Variants in FAM171A1 observed in about 807,000 individuals in gnomAD.
FAM171A1 encodes the protein protein FAM171A1.
In FAM171A1, 23 loss-of-function variants were observed where a neutral mutation model predicts 74.9. The ratio of observed to expected loss-of-function variants is 0.31; its 90% CI spans 0.22 to 0.44. FAM171A1 has a LOEUF of 0.44. Ranked by LOEUF, FAM171A1 falls within the 20% of genes least tolerant of loss-of-function variation. The pLI, the probability that FAM171A1 is intolerant of heterozygous loss-of-function variation, is 1.00. For missense variants in FAM171A1, 1,162 were observed against 1,159.2 expected (o/e 1.00, Z -0.03); for synonymous variants, 527 against 505.7 (o/e 1.04, Z -0.57).
chr10:15,302,505 C>CAA (rs201888011), intron 1 of FAM171A1, among the ~76,000 whole-genome samples: 12 of 116,404 alleles, frequency 1.0e-4, no homozygotes, highest in South Asian at 3.0e-4. Context: ...AACCCAAAAC[C>CAA]AAAAAAAAAA....
chr10:15,319,147 A>G lies in FAM171A1; in HGVS notation c.98-35042T>C, dbSNP rs553842959. On this transcript the variant is annotated intron_variant, in intron 1 of 7. Transcript: ENST00000378116. ...ACAGGGTGGAAAGGAGACATGGCACATATGTCCATTTCTACAGCATGCCTG... is the reference window on the plus strand; with the variant it reads ...ACAGGGTGGAAAGGAGACATGGCACGTATGTCCATTTCTACAGCATGCCTG... 6.1e-4 allele frequency among the ~76,000 whole-genome samples: 93 copies of G among 152,328 alleles called. 1 individual carries two copies. Among genetic ancestry groups the G allele is most frequent in the Middle Eastern group, 3.4e-3 (1 of 294 alleles).
chr10:15,325,058 CTAA>C (rs1375999629), intron 1 of FAM171A1, among the ~76,000 whole-genome samples: 1 of 152,234 alleles, frequency 6.6e-6, no homozygotes, highest in Non-Finnish European at 1.5e-5. Context: ...AATAAACTGG[CTAA>C]TAATGAGATG....
At chr10:15,304,553 G>T (rs1450227778) in intron 1 of FAM171A1, among the ~76,000 whole-genome samples, 1 of 152,074 alleles carries the variant, frequency 6.6e-6, no homozygotes, top group Non-Finnish European at 1.5e-5. Context: ...CGCATACCCT[G>T]CCTTGTCCAT....
chr10:15,292,694 C>T (rs1014149696), intron 1 of FAM171A1, among the ~76,000 whole-genome samples: 1 of 152,020 alleles, frequency 6.6e-6, no homozygotes, highest in Non-Finnish European at 1.5e-5. Context: ...CCACATTGCC[C>T]GGGCTGGTCT....
At chr10:15,287,740 C>T (rs1383957699) in intron 1 of FAM171A1, among the ~76,000 whole-genome samples, 1 of 152,150 alleles carries the variant, frequency 6.6e-6, no homozygotes, top group Non-Finnish European at 1.5e-5. Flanking sequence ...AAGTAGTATA[C>T]TATTCCTCTT....
chr10:15,292,671 G>C (rs1274739585), intron 1 of FAM171A1, among the ~76,000 whole-genome samples: 1 of 152,022 alleles, frequency 6.6e-6, no homozygotes, highest in East Asian at 1.9e-4. Context: ...TTTTAGCAGA[G>C]ATGCGGGTTT....
chr10:15,264,688 TG>T (rs1270574703), intron 3 of FAM171A1, among the ~76,000 whole-genome samples: 1 of 150,838 alleles, frequency 6.6e-6, no homozygotes, highest in Non-Finnish European at 1.5e-5. Flanking sequence ...GAGGCTAAGG[TG>T]GGAGGATCAC....
chr10:15,273,666 C>T (rs1834856399), intron 3 of FAM171A1, among the ~76,000 whole-genome samples: 1 of 152,186 alleles, frequency 6.6e-6, no homozygotes, highest in Non-Finnish European at 1.5e-5. Context: ...TCCAGCAGCA[C>T]ATCAAATAGC....
chr10:15,282,682 T>C (rs895710790), intron 2 of FAM171A1, among the ~76,000 whole-genome samples: 10 of 152,194 alleles, frequency 6.6e-5, no homozygotes, highest in Non-Finnish European at 1.3e-4. Context: ...GCATGGACCA[T>C]GGGAGTGTCA....
At chr10:15,230,229 T>A (rs572211259) in intron 5 of FAM171A1, among the ~76,000 whole-genome samples, 20 of 152,366 alleles carry the variant, frequency 1.3e-4, no homozygotes, top group African/African-American at 4.8e-4. Context: ...TGTGGGATAG[T>A]CCTCTTTTTT....
Position 15,366,921 on chromosome 10 carries a change from G to A in FAM171A1, c.97+4035C>T, listed in dbSNP as rs567962426. Reference sequence around the variant, plus strand: ...ATTGATTAAAACTGAGAAAGTGGCTGGGTGCAGTGGCTCATGCCTGTAATC... The same window carrying A: ...ATTGATTAAAACTGAGAAAGTGGCTAGGTGCAGTGGCTCATGCCTGTAATC... On this transcript the variant is annotated intron_variant, in intron 1 of 7. Transcript: ENST00000378116. Among the ~76,000 whole-genome samples, 5 of 152,292 alleles carry A rather than the reference G, an allele frequency of 3.3e-5. No homozygotes were observed. In the South Asian group the frequency reaches 6.2e-4, roughly 19 times the overall value.
upstream of FAM171A1, among the ~76,000 whole-genome samples, chr10:15,372,791 GGACCCCCTC>G (rs1836166087): frequency 6.6e-6 from 1 of 151,432 alleles, no homozygotes. Context: ...TTGAGCCTAG[GGACCCCCTC>G]CATTCCAACC....
chr10:15,311,259 T>C (rs1835356472), intron 1 of FAM171A1, among the ~76,000 whole-genome samples: 1 of 152,232 alleles, frequency 6.6e-6, no homozygotes, highest in Admixed American at 6.5e-5. Context: ...TACAAGCACA[T>C]GCTTTCTGCA....
intron 5 of FAM171A1, among the ~76,000 whole-genome samples, chr10:15,243,257 T>C (rs1009642990): frequency 6.6e-6 from 1 of 152,132 alleles, no homozygotes; most frequent in Non-Finnish European, 1.5e-5. Flanking sequence ...TGATTCTGGC[T>C]CCTCTTGCAT....
intron 4 of FAM171A1, among the ~76,000 whole-genome samples, chr10:15,251,692 G>T (rs1483311438): frequency 1.3e-5 from 2 of 152,064 alleles, no homozygotes; most frequent in Admixed American, 6.6e-5. Flanking sequence ...GATTACAGGT[G>T]TGAGCCATCG....
chr10:15,302,550 A>G (rs1191256128), intron 1 of FAM171A1, among the ~76,000 whole-genome samples: 1 of 151,632 alleles, frequency 6.6e-6, no homozygotes, highest in African/African-American at 2.4e-5. Flanking sequence ...GTCATTCTAG[A>G]CTGTGCCACA....
intron 7 of FAM171A1, 82 bp downstream of exon 7, chr10:15,215,914 C>T (rs1262006913): frequency 2.5e-6 from 2 of 793,346 alleles, no homozygotes; most frequent in Non-Finnish European, 3.8e-6. Flanking sequence ...AAAAAACCCA[C>T]CTCCATATTA....
chr10:15,270,721 T>C (rs1303208208), intron 3 of FAM171A1, among the ~76,000 whole-genome samples: 2 of 152,182 alleles, frequency 1.3e-5, no homozygotes, highest in Non-Finnish European at 2.9e-5. Flanking sequence ...TGTTCTGCAA[T>C]ATTTGCTGTT....
At chr10:15,369,854 TG>T (rs2131897631) in intron 1 of FAM171A1, among the ~76,000 whole-genome samples, 1 of 152,332 alleles carries the variant, frequency 6.6e-6, no homozygotes, top group Non-Finnish European at 1.5e-5. Flanking sequence ...CACACCCTTC[TG>T]AGGGGACAGG....
Sources: gnomAD v4.1 joint callset for allele counts (sites outside exome capture counted in the v4.1 genomes callset) on GRCh38, gnomAD v4.1.1 for gene constraint, MANE v1.5 for transcripts, NCBI Gene and HGNC (gene_info 2026-07-23, HGNC 2026-07-21) for gene names.